Variants in DNAJC10 observed in about 807,000 individuals in gnomAD.
The protein encoded by DNAJC10 is endoplasmic reticulum disulfide reductase DNAJC10.
DNAJC10 carries 101 observed loss-of-function variants against 115.0 expected under a neutral mutation model. The observed-to-expected ratio is 0.88, with a 90% CI of 0.75 to 1.04. DNAJC10 has a LOEUF of 1.04. Among genes scored for constraint, DNAJC10 ranks in the 50% least tolerant of loss-of-function variants. The pLI is 0.00. For missense variants in DNAJC10, 981 were observed against 928.8 expected, an observed-to-expected ratio of 1.06 and a Z score of -0.73; for synonymous variants, 307 against 301.5, an observed-to-expected ratio of 1.02 and a Z score of -0.19.
At position 182,794,323 on chromosome 2, in the gene DNAJC10, T is replaced by G. The variant is rs1210279149; in HGVS notation, c.*17191T>G. 6.6e-6 allele frequency: 1 copy of G among 152,298 alleles called. No individual in the cohort carries two copies. Among genetic ancestry groups the G allele is most frequent in the East Asian group, 1.9e-4 (1 of 5,174 alleles). The allele number at this position is 152,298 out of a possible 1,614,324, so 9.4% of individuals were successfully genotyped here. A position where few individuals can be genotyped will look rare whatever the true frequency, so the allele number is the denominator to read the frequency against. ...GAAGGATAGAAATAATCCATTCAGA[T>G]TCTCTCCTTTGCATGATGACCACAT... On this transcript the variant is annotated 3_prime_UTR_variant, in exon 24 of 24. Coordinates refer to ENST00000264065, the MANE Select transcript of DNAJC10 (RefSeq NM_018981.4).
At position 182,751,338 on chromosome 2, in the gene DNAJC10, G is replaced by A. The variant is rs1309181618; in HGVS notation, c.1307-320G>A. Among the ~76,000 whole-genome samples the A allele has an allele frequency of 2.0e-5, 3 of 151,978 alleles. No individual in the cohort carries two copies. The East Asian group carries it at 5.8e-4, about 30-fold the overall frequency. The stretch of plus-strand genomic sequence containing the variant: ...TTAGTAGAGACGGGGGTTTCACCAT[G>A]TTGGCCAGGATGGTCTCGATCTCTT... On this transcript the variant is annotated intron_variant, in intron 14 of 23. Coordinates refer to ENST00000264065, the MANE Select transcript of DNAJC10 (RefSeq NM_018981.4).
chr2:182,767,754 A>G (rs1053362817), intron 22 of DNAJC10, among the ~76,000 whole-genome samples: 1 of 152,134 alleles, frequency 6.6e-6, no homozygotes, highest in Non-Finnish European at 1.5e-5. Context: ...TTGTTAAACC[A>G]CAGATATCCA....
At chr2:182,742,911 A>G (rs1041151311) in intron 13 of DNAJC10, among the ~76,000 whole-genome samples, 1 of 150,914 alleles carries the variant, frequency 6.6e-6, no homozygotes, top group African/African-American at 2.4e-5. Flanking sequence ...CAGTGGTGCG[A>G]TCTCGGCTCA....
rs1038633080 is a variant in DNAJC10 at position 182,779,470 on chromosome 2, A to T, written c.*2338A>T. The T allele has an allele frequency of 2.6e-5, 4 of 152,162 alleles. No individual in the cohort carries two copies. Among genetic ancestry groups the T allele is most frequent in the Non-Finnish European group, 4.4e-5 (3 of 68,038 alleles). The allele number at this position is 152,162 out of a possible 1,614,324, so 9.4% of individuals were successfully genotyped here. On this transcript the variant is annotated 3_prime_UTR_variant, in exon 24 of 24. Transcript: ENST00000264065. ...TAAAGTATGTGGCTTACAGTCAGGTATGGTGGTGTGCGCCTATTGTCCCAT... is the reference window on the plus strand; with the variant it reads ...TAAAGTATGTGGCTTACAGTCAGGTTTGGTGGTGTGCGCCTATTGTCCCAT...
chr2:182,740,024 C>T lies in DNAJC10; in HGVS notation c.988-275C>T, dbSNP rs1460747610. On this transcript the variant is annotated intron_variant, in intron 11 of 23. Coordinates refer to ENST00000264065, the MANE Select transcript of DNAJC10 (RefSeq NM_018981.4). ...TTTTTCTGAGCATTTTTATAGAATA[C>T]ACATCATAGTTAATTAAAAATTCCA... The T allele has an allele frequency of 2.9e-6, 3 of 1,018,554 alleles. No individual in the cohort carries two copies. The South Asian group carries it at 1.2e-4, about 42-fold the overall frequency. The allele number at this position is 1,018,554 out of a possible 1,614,324, so 63.1% of individuals were successfully genotyped here.
intron 4 of DNAJC10, 92 bp downstream of exon 4, chr2:182,720,261 T>C (rs1350748405): frequency 1.3e-5 from 14 of 1,053,282 alleles, no homozygotes; most frequent in Non-Finnish European, 1.8e-5. Context: ...ATATTTAAGA[T>C]GCGTCACTTT....
intron 22 of DNAJC10, among the ~76,000 whole-genome samples, chr2:182,768,986 C>T (rs1045809683): frequency 6.6e-6 from 1 of 152,058 alleles, no homozygotes; most frequent in African/African-American, 2.4e-5. Flanking sequence ...GCCCTGAACT[C>T]CCCAACAGGC....
At chr2:182,751,618 G>A in intron 14 of DNAJC10, 40 bp from the exon 15 acceptor site, 1 of 1,598,596 alleles carries the variant, frequency 6.3e-7, no homozygotes, top group East Asian at 2.2e-5. Context: ...CATACAAAAA[G>A]CAGAATTTGG....
At chr2:182,743,890 T>C (rs1305412345) in intron 14 of DNAJC10, among the ~76,000 whole-genome samples, 178 bp downstream of exon 14, 1 of 152,234 alleles carries the variant, frequency 6.6e-6, no homozygotes, top group Non-Finnish European at 1.5e-5. Context: ...TTTACCCTTC[T>C]TTTTAACATG....
chr2:182,753,579 GT>G lies in DNAJC10; in HGVS notation c.1552-1403del, dbSNP rs56151760. ...TCTTAATTTTAATTTCTTTAGTTTA[GT>G]TTTTTTTTTTTTTTTTTTTTGAGAC... On this transcript the variant is annotated intron_variant, in intron 16 of 23. Transcript: ENST00000264065. 9.8e-4 allele frequency among the ~76,000 whole-genome samples: 97 copies of G among 99,406 alleles called. 1 individual carries two copies. The highest frequency in any genetic ancestry group is 2.7e-3 in the African/African-American group (69 of 25,224). 65.2% of individuals were successfully genotyped at this position (99,406 alleles called of 152,430 possible). A position where few individuals can be genotyped will look rare whatever the true frequency, so the allele number is the denominator to read the frequency against.
rs932332344 is a variant in DNAJC10, at chr2:182,720,231, T to A, written c.367+62T>A. 152 of 1,346,462 alleles carry A rather than the reference T, an allele frequency of 1.1e-4. 1 individual carries two copies. The highest frequency in any genetic ancestry group is 2.4e-5 in the Non-Finnish European group (23 of 959,830). The allele number at this position is 1,346,462 out of a possible 1,614,324, so 83.4% of individuals were successfully genotyped here. A position where few individuals can be genotyped will look rare whatever the true frequency, so the allele number is the denominator to read the frequency against. ...ATCTGAGTAAAAGAAAAGTGAATTCTGTTTCACCACTTAGCTTATATATTT... is the reference window on the plus strand; with the variant it reads ...ATCTGAGTAAAAGAAAAGTGAATTCAGTTTCACCACTTAGCTTATATATTT... On this transcript the variant is annotated intron_variant, in intron 4 of 23. Transcript: ENST00000264065.
chr2:182,770,197 A>C (rs537482903), intron 22 of DNAJC10, among the ~76,000 whole-genome samples: 1 of 152,190 alleles, frequency 6.6e-6, no homozygotes, highest in Non-Finnish European at 1.5e-5. Flanking sequence ...TACCAGTACC[A>C]TGCTGTTTTG....
intron 20 of DNAJC10, 116 bp from the exon 21 acceptor site, chr2:182,759,044 T>C (rs1469488326): frequency 9.5e-7 from 1 of 1,050,494 alleles, no homozygotes; most frequent in Non-Finnish European, 1.4e-6. Flanking sequence ...CTGTACTTTA[T>C]TACATTGCCC....
At position 182,786,264 on chromosome 2, in the gene DNAJC10, T is replaced by A. The variant is rs1458380336; in HGVS notation, c.*9132T>A. ...AGGTAGAAAAGTTACAGGATAAAAA[T>A]GGAATTGGTTGGCACTAAGTAGGAC... On this transcript the variant is annotated 3_prime_UTR_variant, in exon 24 of 24. Coordinates refer to ENST00000264065, the MANE Select transcript of DNAJC10 (RefSeq NM_018981.4). The A allele has an allele frequency of 6.6e-6, 1 of 152,124 alleles. No individual in the cohort carries two copies. Among genetic ancestry groups the A allele is most frequent in the East Asian group, 1.9e-4 (1 of 5,192 alleles). 9.4% of individuals were successfully genotyped at this position (152,124 alleles called of 1,614,324 possible).
At chr2:182,716,745 C>T (rs1395963123) in intron 1 of DNAJC10, among the ~76,000 whole-genome samples, 2 of 152,220 alleles carry the variant, frequency 1.3e-5, no homozygotes, top group Admixed American at 1.3e-4. Flanking sequence ...CTTAACAGCC[C>T]TGTTCCCCCG....
rs778784650 is a variant in DNAJC10 at position 182,758,861 on chromosome 2, T to A, written c.1968T>A (p.Asp656Glu). 65 of 1,608,340 alleles carry A rather than the reference T, an allele frequency of 4.0e-5. No homozygotes were observed. The highest frequency in any genetic ancestry group is 5.3e-5 in the Non-Finnish European group (62 of 1,175,088). ...GCAGTTACAATGGTTGGAATAGGGA[T>A]GCTTATTCCCTGAGAATCTGGGGTC... ...HYHSYNGWNR[D>E]AYSLRIWGLG... Residue 656 changes from aspartate to glutamate, a missense_variant, in exon 20 of 24, where the codon GAT (aspartate) becomes GAA (glutamate). Physicochemically the swap from Asp to Glu is conservative, Grantham distance 45 (BLOSUM62 2). Coordinates refer to ENST00000264065, the MANE Select transcript of DNAJC10 (RefSeq NM_018981.4).
At position 182,720,183 on chromosome 2, in the gene DNAJC10, A is replaced by T; in HGVS notation, c.367+14A>T. 6.3e-7 allele frequency: 1 copy of T among 1,590,868 alleles called. No individual in the cohort carries two copies. Among genetic ancestry groups the T allele is most frequent in the Non-Finnish European group, 8.6e-7 (1 of 1,168,796 alleles). On this transcript the variant is annotated intron_variant, in intron 4 of 23. Transcript: ENST00000264065. ...GTTATGATTTTGGTAAGGTGATACGATATTACTTATGAAATGTGTTTTATC... is the reference window on the plus strand; with the variant it reads ...GTTATGATTTTGGTAAGGTGATACGTTATTACTTATGAAATGTGTTTTATC...
chr2:182,740,259 A>G (rs1400501466), intron 11 of DNAJC10, 40 bp from the exon 12 acceptor site: 2 of 1,288,230 alleles, frequency 1.6e-6, no homozygotes, highest in African/African-American at 3.1e-5. Context: ...TATAATGAAT[A>G]TTTATTCAAA....
At position 182,784,163 on chromosome 2, in the gene DNAJC10, C is replaced by T. The variant is rs1694904516; in HGVS notation, c.*7031C>T. ...CCAACATAGTGAAACCCCATCTCTA[C>T]TAAAAATACAAAAACTAGCTGGGCA... On this transcript the variant is annotated 3_prime_UTR_variant, in exon 24 of 24. Transcript: ENST00000264065. The T allele has an allele frequency of 6.6e-6, 1 of 151,992 alleles. No homozygotes were observed. The highest frequency in any genetic ancestry group is 1.5e-5 in the Non-Finnish European group (1 of 68,018). 9.4% of individuals were successfully genotyped at this position (151,992 alleles called of 1,614,324 possible). A position where few individuals can be genotyped will look rare whatever the true frequency, so the allele number is the denominator to read the frequency against.
Sources: gnomAD v4.1 joint callset for allele counts (sites outside exome capture counted in the v4.1 genomes callset) on GRCh38, gnomAD v4.1.1 for gene constraint, MANE v1.5 for transcripts, NCBI Gene and HGNC (gene_info 2026-07-23, HGNC 2026-07-21) for gene names.